VKORC1L1: variants seen among roughly 807,000 people sequenced by gnomAD.
The protein encoded by VKORC1L1 is vitamin K epoxide reductase complex subunit 1L1, also known as vitamin K epoxide reductase complex subunit 1-like protein 1.
A neutral mutation model predicts 18.9 loss-of-function variants in VKORC1L1; 2 were observed. The ratio of observed to expected loss-of-function variants is 0.11; its 90% CI spans 0.04 to 0.33. The LOEUF is 0.33. Ranked by LOEUF, VKORC1L1 falls within the 10% of genes least tolerant of loss-of-function variation. VKORC1L1 has a pLI of 1.00. For missense variants in VKORC1L1, 123 were observed against 224.1 expected, an observed-to-expected ratio of 0.55 and a Z score of 2.88; for synonymous variants, 96 against 100.0, an observed-to-expected ratio of 0.96 and a Z score of 0.24.
At position 65,954,641 on chromosome 7, in the gene VKORC1L1, A is replaced by G. The variant is rs548085723; in HGVS notation, c.*341A>G. The G allele has an allele frequency of 3.6e-4, 121 of 331,678 alleles. No homozygotes were observed. The Middle Eastern group carries it at 4.5e-3, about 12-fold the overall frequency. The allele number at this position is 331,678 out of a possible 1,614,324, so 20.5% of individuals were successfully genotyped here. ...GCTAGTAATTCTTTAATGTGTATAA[A>G]TTCAATTTCAGGTATAACAAATGTG... is the stretch of plus-strand genomic sequence containing the variant. On this transcript the variant is annotated 3_prime_UTR_variant, in exon 3 of 3. Transcript: ENST00000360768.
intron 1 of VKORC1L1, among the ~76,000 whole-genome samples, chr7:65,941,787 T>G (rs1307520838): frequency 6.7e-6 from 1 of 148,710 alleles, no homozygotes; most frequent in Non-Finnish European, 1.5e-5. Flanking sequence ...AGCGATTATC[T>G]GCCTCAGCCT....
At position 65,900,747 on chromosome 7, in the gene VKORC1L1, G is replaced by A. The variant is rs540374869; in HGVS notation, c.194+27182G>A. Among the ~76,000 whole-genome samples the A allele has an allele frequency of 1.9e-3, 296 of 152,310 alleles. 1 individual carries two copies. Among genetic ancestry groups the A allele is most frequent in the African/African-American group, 6.4e-3 (267 of 41,556 alleles). On this transcript the variant is annotated intron_variant, in intron 1 of 2. Transcript: ENST00000360768. ...TTGAACCCCAGAGGCAGAGGTTGCCGTGAGCCAAGATTGCGCCATTGAACT... is the reference window on the plus strand; with the variant it reads ...TTGAACCCCAGAGGCAGAGGTTGCCATGAGCCAAGATTGCGCCATTGAACT...
intron 1 of VKORC1L1, among the ~76,000 whole-genome samples, chr7:65,879,643 A>T (rs552872293): frequency 2.3e-5 from 2 of 85,804 alleles, no homozygotes; most frequent in Middle Eastern, 6.2e-3. Context: ...CTTTACCACT[A>T]CTCTTTCGTC....
At chr7:65,897,283 A>G (rs1789230184) in intron 1 of VKORC1L1, among the ~76,000 whole-genome samples, 1 of 152,220 alleles carries the variant, frequency 6.6e-6, no homozygotes, top group Non-Finnish European at 1.5e-5. Context: ...AATTGAAACT[A>G]TACTGAAAGC....
Position 65,886,839 on chromosome 7 carries a change from G to GGTTTTT in VKORC1L1, c.194+13274_194+13275insGTTTTT, listed in dbSNP as rs1237860894. ...GGCGTGAGCCACTGCGCCTGTCCGA[G>GGTTTTT]TTTTTTTTTTTTTTTTTTTTTTTTT... On this transcript the variant is annotated intron_variant, in intron 1 of 2. Transcript: ENST00000360768. Among the ~76,000 whole-genome samples the GGTTTTT allele has an allele frequency of 4.4e-4, 26 of 58,626 alleles. 1 individual carries two copies. The highest frequency in any genetic ancestry group is 0.019 in the Middle Eastern group (1 of 54). The allele number at this position is 58,626 out of a possible 152,430, so 38.5% of individuals were successfully genotyped here. A position where few individuals can be genotyped will look rare whatever the true frequency, so the allele number is the denominator to read the frequency against.
At chr7:65,871,881 A>G (rs1203242149), upstream of VKORC1L1, among the ~76,000 whole-genome samples, 1 of 152,170 alleles carries the variant, frequency 6.6e-6, no homozygotes, top group East Asian at 1.9e-4. Context: ...GAGGGAAAAA[A>G]AAGTTTATTG....
rs1311321592 is a variant in VKORC1L1, at chr7:65,933,237, C to CT, written c.195-15431dup. Among the ~76,000 whole-genome samples the CT allele has an allele frequency of 5.3e-5, 8 of 152,202 alleles. No individual in the cohort carries two copies. The South Asian group carries it at 1.5e-3, about 28-fold the overall frequency. ...TACTGAGAGAGAGAGAGATTGAAGT[C>CT]TTTAAGTATAATTGTGGATTTATTC... On this transcript the variant is annotated intron_variant, in intron 1 of 2. Transcript: ENST00000360768.
intron 1 of VKORC1L1, among the ~76,000 whole-genome samples, chr7:65,926,938 T>C (rs1789775163): frequency 6.6e-6 from 1 of 152,102 alleles, no homozygotes; most frequent in Non-Finnish European, 1.5e-5. Context: ...ATACTAGATA[T>C]ACTAGACTGT....
intron 1 of VKORC1L1, among the ~76,000 whole-genome samples, chr7:65,900,924 G>C (rs1461172514): frequency 6.6e-6 from 1 of 152,160 alleles, no homozygotes; most frequent in Non-Finnish European, 1.5e-5. Flanking sequence ...GGCCAGTCAC[G>C]TAGTACTTCT....
At chr7:65,879,295 A>G (rs1368784449) in intron 1 of VKORC1L1, among the ~76,000 whole-genome samples, 1 of 152,154 alleles carries the variant, frequency 6.6e-6, no homozygotes, top group East Asian at 1.9e-4. Flanking sequence ...CAGAAATAAA[A>G]TTCTTAACAT....
intron 1 of VKORC1L1, among the ~76,000 whole-genome samples, chr7:65,945,117 T>C (rs775435293): frequency 6.6e-6 from 1 of 151,470 alleles, no homozygotes; most frequent in Non-Finnish European, 1.5e-5. Context: ...AAAAATTAGC[T>C]GGGCGTGGTG....
chr7:65,879,785 C>T (rs146068882), intron 1 of VKORC1L1, among the ~76,000 whole-genome samples: 5 of 150,562 alleles, frequency 3.3e-5, no homozygotes, highest in South Asian at 2.1e-4. Flanking sequence ...CTTCCTCCTT[C>T]GTTCCTTGCT....
intron 1 of VKORC1L1, among the ~76,000 whole-genome samples, chr7:65,879,729 C>T (rs1350979025): frequency 1.3e-5 from 2 of 150,504 alleles, no homozygotes; most frequent in Non-Finnish European, 3.0e-5. Context: ...TCCTTCTTTT[C>T]TTTCTTTTTC....
At chr7:65,920,295 ATGT>A (rs1789654147) in intron 1 of VKORC1L1, among the ~76,000 whole-genome samples, 1 of 151,932 alleles carries the variant, frequency 6.6e-6, no homozygotes, top group Admixed American at 6.6e-5. Context: ...AGGACATACA[ATGT>A]TGTCTATTTT....
chr7:65,866,012 C>T, the VKORC1L1 span, among the ~76,000 whole-genome samples: 22 of 151,908 alleles, frequency 1.4e-4, no homozygotes, highest in African/African-American at 3.6e-4. Flanking sequence ...CCCAGCTACT[C>T]GAGGGGCTAA....
chr7:65,929,727 A>G (rs1789828850), intron 1 of VKORC1L1, among the ~76,000 whole-genome samples: 2 of 127,084 alleles, frequency 1.6e-5, no homozygotes, highest in South Asian at 5.4e-4. Context: ...TTTACTTTTA[A>G]AAATTTTTTT....
At chr7:65,949,411 G>T (rs762498608) in intron 2 of VKORC1L1, among the ~76,000 whole-genome samples, 1 of 152,004 alleles carries the variant, frequency 6.6e-6, no homozygotes, top group Non-Finnish European at 1.5e-5. Context: ...CCCGGGAGAC[G>T]GAGGTTGTAG....
intron 1 of VKORC1L1, among the ~76,000 whole-genome samples, chr7:65,928,033 T>A (rs1789794764): frequency 6.6e-6 from 1 of 152,080 alleles, no homozygotes; most frequent in South Asian, 2.1e-4. Flanking sequence ...AAACCTATAG[T>A]AAGGCACTTA....
intron 1 of VKORC1L1, among the ~76,000 whole-genome samples, chr7:65,892,662 T>C (rs1424771784): frequency 1.3e-5 from 2 of 152,350 alleles, no homozygotes; most frequent in South Asian, 4.1e-4. Flanking sequence ...GTCTGTGTGG[T>C]GTGAGATGGG....
Sources: gnomAD v4.1 joint callset for allele counts (sites outside exome capture counted in the v4.1 genomes callset) on GRCh38, gnomAD v4.1.1 for gene constraint, MANE v1.5 for transcripts, NCBI Gene and HGNC (gene_info 2026-07-23, HGNC 2026-07-21) for gene names.